HEPHL1: variants seen among roughly 807,000 people sequenced by gnomAD.
HEPHL1 encodes ferroxidase HEPHL1.
A neutral mutation model predicts 122.0 loss-of-function variants in HEPHL1; 123 were observed. The ratio of observed to expected loss-of-function variants is 1.01; its 90% CI spans 0.87 to 1.17. The LOEUF (loss-of-function observed/expected upper bound fraction) is 1.17, where lower values mean the gene tolerates loss of function less well. Ranked by LOEUF, HEPHL1 falls within the 50% of genes most tolerant of loss-of-function variation. The pLI, the probability that HEPHL1 is intolerant of heterozygous loss-of-function variation, is 0.00. For missense variants in HEPHL1, 1,452 were observed against 1,430.5 expected (o/e 1.01, Z -0.24); for synonymous variants, 527 against 508.9 (o/e 1.04, Z -0.48).
At position 94,070,352 on chromosome 11, in the gene HEPHL1, G is replaced by A. The variant is rs145096898; in HGVS notation, c.1064-22G>A. On this transcript the variant is annotated intron_variant, in intron 5 of 19. Coordinates refer to ENST00000315765, the MANE Select transcript of HEPHL1 (RefSeq NM_001098672.2). ...TTTGTGATCATTTATGCCTCAGCTC[G>A]TGGTTTTCCTCTGTTCTGCAGCTGG... 2.2e-4 allele frequency: 341 copies of A among 1,567,496 alleles called. 1 individual carries two copies. The African/African-American group carries it at 2.2e-3, about 10-fold the overall frequency.
intron 2 of HEPHL1, among the ~76,000 whole-genome samples, chr11:94,050,643 C>G (rs1193985116): frequency 6.6e-6 from 1 of 152,142 alleles, no homozygotes; most frequent in Non-Finnish European, 1.5e-5. Flanking sequence ...TCACCTCAAG[C>G]ATTTATCCTT....
chr11:94,088,766 G>T lies in HEPHL1; in HGVS notation c.2092G>T (p.Val698Leu). The T allele has an allele frequency of 6.2e-7, 1 of 1,613,304 alleles. No individual in the cohort carries two copies. Among genetic ancestry groups the T allele is most frequent in the African/African-American group, 1.3e-5 (1 of 75,032 alleles). The part of the protein sequence containing the change: ...MQPDHAGIFR[V>L]FCATMPHLSR... ...CATTTCTCTTGCAGGTATTTTTAGG[G>T]TGTTTTGTGCCACCATGCCCCACCT... Residue 698 changes from valine to leucine, a missense_variant, in exon 12 of 20, where the codon GTG becomes TTG. By Grantham distance (32) the Val-to-Leu change is conservative. Transcript: ENST00000315765.
At chr11:94,022,954 T>A (rs1456106225) in intron 1 of HEPHL1, among the ~76,000 whole-genome samples, 2 of 152,338 alleles carry the variant, frequency 1.3e-5, no homozygotes, top group East Asian at 3.9e-4. Flanking sequence ...CTGGATTGCC[T>A]TTCCATAAGA....
chr11:94,037,112 G>T (rs959837750), intron 1 of HEPHL1, among the ~76,000 whole-genome samples: 10 of 152,260 alleles, frequency 6.6e-5, no homozygotes, highest in South Asian at 2.1e-4. Flanking sequence ...GGTGACGGAC[G>T]CACCTGGAAA....
chr11:94,085,152 C>T (rs1443725796), intron 10 of HEPHL1, among the ~76,000 whole-genome samples: 2 of 152,184 alleles, frequency 1.3e-5, no homozygotes, highest in Non-Finnish European at 2.9e-5. Flanking sequence ...ACCAGTCAGA[C>T]ATTGCGTTAT....
chr11:94,046,091 C>CTTCTTT (rs1555059417), intron 2 of HEPHL1, among the ~76,000 whole-genome samples, 174 bp downstream of exon 2: 1 of 65,048 alleles, frequency 1.5e-5, no homozygotes, highest in Admixed American at 3.0e-4. Flanking sequence ...CCCTTTCTTG[C>CTTCTTT]TTTTTTTTTT....
At chr11:94,065,302 A>T (rs955214277) in intron 4 of HEPHL1, among the ~76,000 whole-genome samples, 2 of 152,194 alleles carry the variant, frequency 1.3e-5, no homozygotes, top group African/African-American at 4.8e-5. Context: ...TCATAAAATC[A>T]TAAGAGGAAT....
Position 94,045,658 on chromosome 11 carries a change from T to A in HEPHL1, c.171-15T>A, listed in dbSNP as rs1227583283. 2 of 1,568,212 alleles carry A rather than the reference T, an allele frequency of 1.3e-6. No individual in the cohort carries two copies. Among genetic ancestry groups the A allele is most frequent in the African/African-American group, 1.4e-5 (1 of 73,420 alleles). On this transcript the variant is annotated splice_polypyrimidine_tract_variant and intron_variant, in intron 1 of 19. Transcript: ENST00000315765. ...TTTTCATTTCAATTAAAAATGTTTT[T>A]CTTCTTACTTTTAGACTTGCAACCT...
At chr11:94,048,415 A>G (rs1325781587) in intron 2 of HEPHL1, among the ~76,000 whole-genome samples, 1 of 152,102 alleles carries the variant, frequency 6.6e-6, no homozygotes, top group African/African-American at 2.4e-5. Flanking sequence ...GCTGGAGTGC[A>G]GTAGTACAGT....
chr11:94,043,307 A>G (rs929689720), intron 1 of HEPHL1, among the ~76,000 whole-genome samples: 7 of 152,182 alleles, frequency 4.6e-5, no homozygotes, highest in Non-Finnish European at 7.4e-5. Context: ...CTGAAGCTCC[A>G]GACTCATGTA....
chr11:94,061,558 C>A (rs1945985325), intron 2 of HEPHL1, among the ~76,000 whole-genome samples: 1 of 151,970 alleles, frequency 6.6e-6, no homozygotes, highest in African/African-American at 2.4e-5. Context: ...TTTTAAATGT[C>A]ATTTGGATTT....
intron 1 of HEPHL1, among the ~76,000 whole-genome samples, chr11:94,026,623 T>G (rs187030420): frequency 6.6e-6 from 1 of 152,342 alleles, no homozygotes; most frequent in East Asian, 1.9e-4. Context: ...ACTGAGTATT[T>G]ACTATGCTCC....
At position 94,087,054 on chromosome 11, in the gene HEPHL1, G is replaced by C. The variant is rs189917074; in HGVS notation, c.2080+865G>C. Among the ~76,000 whole-genome samples the C allele has an allele frequency of 2.9e-3, 437 of 152,220 alleles. 9 individuals carry two copies. Among genetic ancestry groups the C allele is most frequent in the Non-Finnish European group, 9.4e-4 (64 of 68,022 alleles). The stretch of plus-strand genomic sequence containing the variant: ...CATCAATTAAGAACTTGAGGCTTGG[G>C]CTTCAAAATCTTTGCCTAAGGACTG... On this transcript the variant is annotated intron_variant, in intron 11 of 19. Transcript: ENST00000315765.
chr11:94,073,147 C>T lies in HEPHL1; in HGVS notation c.1355C>T (p.Ala452Val). 1.2e-6 allele frequency: 2 copies of T among 1,613,118 alleles called. No individual in the cohort carries two copies. Among genetic ancestry groups the T allele is most frequent in the South Asian group, 1.1e-5 (1 of 91,018 alleles). The change falls in exon 7 of 20, where the codon GCC becomes GTC. Residue 452 changes from alanine to valine, a missense_variant. Coordinates refer to ENST00000315765, the MANE Select transcript of HEPHL1 (RefSeq NM_001098672.2). ...TKRKRLSAEE[A>V]HLGILGPVIK... The stretch of plus-strand genomic sequence containing the variant: ...AGAAAGAGACTCTCTGCTGAAGAAG[C>T]CCATCTTGGAATTCTTGGTACAGTA...
chr11:94,095,413 T>C (rs1285605628), intron 13 of HEPHL1, among the ~76,000 whole-genome samples: 4 of 152,234 alleles, frequency 2.6e-5, no homozygotes, highest in African/African-American at 9.6e-5. Context: ...TAGTACAGTT[T>C]GAAGTCAGGT....
At chr11:94,034,195 C>T (rs979678222) in intron 1 of HEPHL1, among the ~76,000 whole-genome samples, 1 of 152,184 alleles carries the variant, frequency 6.6e-6, no homozygotes, top group Non-Finnish European at 1.5e-5. Flanking sequence ...GATCCTTCTT[C>T]CCAGCTTGAC....
At chr11:94,026,738 A>T (rs1023278656) in intron 1 of HEPHL1, among the ~76,000 whole-genome samples, 1 of 152,232 alleles carries the variant, frequency 6.6e-6, no homozygotes, top group Non-Finnish European at 1.5e-5. Flanking sequence ...AGCCAAGTGT[A>T]GCCCAGCCTT....
intron 2 of HEPHL1, among the ~76,000 whole-genome samples, chr11:94,062,926 T>C (rs947253277): frequency 5.9e-5 from 9 of 152,220 alleles, no homozygotes; most frequent in African/African-American, 1.9e-4. Context: ...GTATGCCATA[T>C]ATTTTGACCC....
Position 94,069,758 on chromosome 11 carries a change from CTATT to C in HEPHL1, c.1064-615_1064-612del, listed in dbSNP as rs1468974342. On this transcript the variant is annotated intron_variant, in intron 5 of 19. Transcript: ENST00000315765. ...TTGCTATTATAAACAGCACTGATGA[CTATT>C]ATTTATAGATGTTTGCACTTTTGTC... 2.0e-5 allele frequency among the ~76,000 whole-genome samples: 3 copies of C among 152,138 alleles called. No homozygotes were observed. The East Asian group carries it at 5.8e-4, about 29-fold the overall frequency.
Sources: allele counts gnomAD v4.1 joint callset (sites outside exome capture counted in the v4.1 genomes callset), GRCh38; gene constraint gnomAD v4.1.1; transcripts MANE v1.5; gene names NCBI Gene and HGNC (gene_info 2026-07-23, HGNC 2026-07-21).